ME2: variants seen among roughly 807,000 people sequenced by gnomAD.
ME2 encodes the protein NAD-dependent malic enzyme, mitochondrial.
ME2 carries 60 observed loss-of-function variants against 73.7 expected under a neutral mutation model. The ratio of observed to expected loss-of-function variants is 0.81; its 90% CI spans 0.66 to 1.01. The LOEUF (loss-of-function observed/expected upper bound fraction) is 1.01. ME2 is among the 50% of genes least tolerant of loss of function. The pLI, the probability that ME2 is intolerant of heterozygous loss-of-function variation, is 0.00. For missense variants in ME2, 594 were observed against 705.5 expected (o/e 0.84, Z 1.79); for synonymous variants, 199 against 236.9 (o/e 0.84, Z 1.47).
chr18:50,917,453 G>C lies in ME2; in HGVS notation c.575G>C (p.Gly192Ala), dbSNP rs1568167790. The part of the protein sequence containing the change: ...GKLCLYTACA[G>A]IRPDRCLPVC... ...CTTTGTTTGTATACAGCTTGTGCAG[G>C]AATACGGCCTGATAGATGCCTGCCA... is the stretch of plus-strand genomic sequence containing the variant. The change falls in exon 6 of 16, where the codon GGA becomes GCA. Residue 192 changes from glycine (G) to alanine (A), a missense_variant. Transcript: ENST00000321341. 3.1e-6 allele frequency: 5 copies of C among 1,613,438 alleles called. No homozygotes were observed. Among genetic ancestry groups the C allele is most frequent in the African/African-American group, 1.3e-5 (1 of 74,896 alleles).
At chr18:50,893,417 A>G (rs1280362323) in intron 1 of ME2, among the ~76,000 whole-genome samples, 1 of 152,200 alleles carries the variant, frequency 6.6e-6, no homozygotes, top group African/African-American at 2.4e-5. Context: ...CTTAATGAAT[A>G]AGACCATTCA....
intron 1 of ME2, among the ~76,000 whole-genome samples, chr18:50,886,456 C>G (rs1916473789): frequency 6.6e-6 from 1 of 151,966 alleles, no homozygotes; most frequent in South Asian, 2.1e-4. Flanking sequence ...GTTGGCTAGG[C>G]TGGTCTTGAA....
rs192102328 is a variant in ME2, at chr18:50,898,942, C to T, written c.108+3014C>T. Among the ~76,000 whole-genome samples the T allele has an allele frequency of 2.0e-5, 3 of 152,282 alleles. No individual in the cohort carries two copies. In the East Asian group the frequency reaches 5.8e-4, roughly 29 times the overall value. On this transcript the variant is annotated intron_variant, in intron 2 of 15. Coordinates refer to ENST00000321341, the MANE Select transcript of ME2 (RefSeq NM_002396.5). ...TATACAAGTATAAAATTGGATTTCT[C>T]CTTTTCTCCCCATGCTCATTTGGCT...
intron 15 of ME2, among the ~76,000 whole-genome samples, chr18:50,944,347 A>G (rs1306820745): frequency 6.6e-6 from 1 of 152,198 alleles, no homozygotes; most frequent in African/African-American, 2.4e-5. Flanking sequence ...GTTTCCCCAG[A>G]GGCAGGAGTA....
intron 14 of ME2, chr18:50,939,887 A>G: frequency 2.2e-6 from 1 of 463,722 alleles, no homozygotes; most frequent in East Asian, 3.7e-5. Flanking sequence ...TGTATATCTG[A>G]ATATATTGTG....
chr18:50,939,063 C>T (rs1283003038), intron 13 of ME2: 1 of 148,808 alleles, frequency 6.7e-6, no homozygotes, highest in African/African-American at 2.5e-5. Context: ...TAAATATTTA[C>T]TCCTACAGGA....
At chr18:50,930,459 T>C (rs1917666463) in intron 12 of ME2, among the ~76,000 whole-genome samples, 1 of 152,152 alleles carries the variant, frequency 6.6e-6, no homozygotes, top group Non-Finnish European at 1.5e-5. Flanking sequence ...AAAAAAATCT[T>C]CATAGTTGAA....
intron 2 of ME2, 106 bp from the exon 3 acceptor site, chr18:50,907,957 T>C: frequency 2.4e-6 from 2 of 831,050 alleles, no homozygotes. Flanking sequence ...GCAAAAATAA[T>C]ATGTCATTGA....
In ME2 at chr18:50,953,955, A is replaced by ATAC. The variant is rs1323344663; in HGVS notation, c.*6772_*6774dup. On this transcript the variant is annotated 3_prime_UTR_variant, in exon 16 of 16. Coordinates refer to ENST00000321341, the MANE Select transcript of ME2 (RefSeq NM_002396.5). ...ATATTTTTGTGTTCCCTTTGTTAAC[A>ATAC]TACCAAGCACTAATTATTGACTTCA... is the stretch of plus-strand genomic sequence containing the variant. 1.3e-5 allele frequency: 2 copies of ATAC among 152,248 alleles called. No homozygotes were observed. The highest frequency in any genetic ancestry group is 2.9e-5 in the Non-Finnish European group (2 of 68,042). The allele number at this position is 152,248 out of a possible 1,614,324, so 9.4% of individuals were successfully genotyped here. A position where few individuals can be genotyped will look rare whatever the true frequency, so the allele number is the denominator to read the frequency against.
intron 1 of ME2, among the ~76,000 whole-genome samples, chr18:50,882,284 G>A (rs1176794803): frequency 3.9e-5 from 6 of 152,066 alleles, no homozygotes; most frequent in Non-Finnish European, 7.4e-5. Context: ...ACAGGTGTTC[G>A]CCACGGGATT....
At chr18:50,939,434 C>T (rs1056357828) in intron 13 of ME2, 136 bp from the exon 14 acceptor site, 14 of 552,966 alleles carry the variant, frequency 2.5e-5, no homozygotes, top group Non-Finnish European at 4.6e-5. Context: ...ATTTCTGTTT[C>T]TTCTTGGCTG....
At chr18:50,894,436 C>T (rs369614275) in intron 1 of ME2, among the ~76,000 whole-genome samples, 2 of 151,700 alleles carry the variant, frequency 1.3e-5, no homozygotes, top group Admixed American at 6.6e-5. Flanking sequence ...GGCATGATGG[C>T]GGGTTCCTGT....
At chr18:50,882,677 A>G (rs184113745) in intron 1 of ME2, among the ~76,000 whole-genome samples, 1 of 152,202 alleles carries the variant, frequency 6.6e-6, no homozygotes, top group African/African-American at 2.4e-5. Context: ...GGTCAGGCAC[A>G]TTGGTTCATG....
chr18:50,893,312 CACTT>C (rs1416989689), intron 1 of ME2, among the ~76,000 whole-genome samples: 1 of 152,032 alleles, frequency 6.6e-6, no homozygotes, highest in African/African-American at 2.4e-5. Flanking sequence ...GAAACCTGAA[CACTT>C]ACTTTTCATC....
chr18:50,910,750 G>T (rs1051147036), intron 3 of ME2, among the ~76,000 whole-genome samples: 1 of 152,150 alleles, frequency 6.6e-6, no homozygotes, highest in African/African-American at 2.4e-5. Context: ...ACTATCTCTG[G>T]TGGAAAGGCA....
In ME2 at chr18:50,895,793, G is replaced by A; in HGVS notation, c.-12-16G>A. 6 of 1,526,906 alleles carry A rather than the reference G, an allele frequency of 3.9e-6. No individual in the cohort carries two copies. Among genetic ancestry groups the A allele is most frequent in the Non-Finnish European group, 5.4e-6 (6 of 1,103,950 alleles). 94.6% of individuals were successfully genotyped at this position (1,526,906 alleles called of 1,614,324 possible). On this transcript the variant is annotated splice_polypyrimidine_tract_variant and intron_variant, in intron 1 of 15. Transcript: ENST00000321341. Reference sequence around the variant, plus strand: ...TATGATTCTCTTCAGTGGTTTATTTGCTTTGTTTTTCTCAGGTGAAAGAAA... The same window carrying A: ...TATGATTCTCTTCAGTGGTTTATTTACTTTGTTTTTCTCAGGTGAAAGAAA...
intron 1 of ME2, among the ~76,000 whole-genome samples, chr18:50,880,197 TCAA>T (rs1916281953): frequency 2.0e-5 from 3 of 152,188 alleles, no homozygotes; most frequent in African/African-American, 7.2e-5. Flanking sequence ...ACGGATTATC[TCAA>T]AATAACCCTT....
intron 12 of ME2, among the ~76,000 whole-genome samples, chr18:50,929,042 G>T (rs941028921): frequency 6.6e-6 from 1 of 151,746 alleles, no homozygotes; most frequent in Non-Finnish European, 1.5e-5. Flanking sequence ...ATTTTATCTG[G>T]TTTTTTAAAT....
Position 50,954,080 on chromosome 18 carries a change from T to C in ME2, c.*6896T>C, listed in dbSNP as rs1918274951. 1.3e-5 allele frequency: 2 copies of C among 152,250 alleles called. No individual in the cohort carries two copies. Among genetic ancestry groups the C allele is most frequent in the Non-Finnish European group, 2.9e-5 (2 of 68,046 alleles). The allele number at this position is 152,250 out of a possible 1,614,324, so 9.4% of individuals were successfully genotyped here. ...TTGTAGTAATTGCTTATGGGAATGCTAGTTTAAGAGGAATGCCTTGTATAG... is the reference window on the plus strand; with the variant it reads ...TTGTAGTAATTGCTTATGGGAATGCCAGTTTAAGAGGAATGCCTTGTATAG... On this transcript the variant is annotated 3_prime_UTR_variant, in exon 16 of 16. Transcript: ENST00000321341.
Sources: allele counts gnomAD v4.1 joint callset (sites outside exome capture counted in the v4.1 genomes callset), GRCh38; gene constraint gnomAD v4.1.1; transcripts MANE v1.5; gene names NCBI Gene and HGNC (gene_info 2026-07-23, HGNC 2026-07-21).